Variants in VWA8 observed in about 807,000 individuals in gnomAD.
VWA8 encodes von Willebrand factor A domain containing 8, also known as von Willebrand factor A domain-containing protein 8.
In VWA8, 221 loss-of-function variants were observed where a neutral mutation model predicts 241.5. The observed-to-expected ratio is 0.91, with a 90% CI of 0.82 to 1.02. The LOEUF (loss-of-function observed/expected upper bound fraction) is 1.02, where lower values mean the gene tolerates loss of function less well. Ranked by LOEUF, VWA8 falls within the 50% of genes least tolerant of loss-of-function variation. VWA8 has a pLI of 0.00. For synonymous variants in VWA8, 852 were observed against 827.1 expected (o/e 1.03, Z -0.52); for missense variants, 2,322 against 2,328.7 (o/e 1.00, Z 0.06).
intron 40 of VWA8, among the ~76,000 whole-genome samples, chr13:41,597,826 T>C (rs1407387707): frequency 7.3e-5 from 10 of 137,560 alleles, no homozygotes; most frequent in Non-Finnish European, 1.5e-4. Flanking sequence ...AACCCCACTC[T>C]TCCAGTTGTT....
intron 24 of VWA8, among the ~76,000 whole-genome samples, chr13:41,724,425 A>G (rs953199798): frequency 2.0e-5 from 3 of 152,124 alleles, no homozygotes; most frequent in Non-Finnish European, 4.4e-5. Context: ...AGATGGGAAT[A>G]ATGTAAGGAG....
intron 40 of VWA8, among the ~76,000 whole-genome samples, chr13:41,591,951 C>A (rs1357958759): frequency 7.0e-6 from 1 of 143,284 alleles, no homozygotes; most frequent in African/African-American, 2.6e-5. Flanking sequence ...TTTGACCCAG[C>A]CATCCCATTA....
chr13:41,738,672 C>T (rs1016367978), intron 21 of VWA8, among the ~76,000 whole-genome samples: 1 of 152,094 alleles, frequency 6.6e-6, no homozygotes, highest in African/African-American at 2.4e-5. Flanking sequence ...AGCTTTCCAG[C>T]TTGGTAAATT....
intron 37 of VWA8, among the ~76,000 whole-genome samples, chr13:41,626,852 G>T (rs1157056695): frequency 6.6e-6 from 1 of 152,118 alleles, no homozygotes; most frequent in Non-Finnish European, 1.5e-5. Flanking sequence ...TCTGGACATA[G>T]GCCTTGGCAA....
intron 37 of VWA8, among the ~76,000 whole-genome samples, chr13:41,619,888 AT>A (rs1387870431): frequency 2.0e-5 from 3 of 151,660 alleles, no homozygotes; most frequent in Non-Finnish European, 4.4e-5. Flanking sequence ...TTTATTGAGG[AT>A]TTTTGCATCG....
intron 40 of VWA8, among the ~76,000 whole-genome samples, chr13:41,600,270 A>G (rs537851733): frequency 2.0e-5 from 3 of 152,266 alleles, no homozygotes; most frequent in African/African-American, 4.8e-5. Flanking sequence ...GTCACCTGGC[A>G]AAGACTGAGT....
intron 43 of VWA8, among the ~76,000 whole-genome samples, chr13:41,571,108 C>G (rs1158600609): frequency 6.6e-6 from 1 of 152,160 alleles, no homozygotes; most frequent in African/African-American, 2.4e-5. Context: ...ACATTGTACT[C>G]ACGTCAATAA....
intron 22 of VWA8, among the ~76,000 whole-genome samples, chr13:41,731,084 CTG>C (rs1448106113): frequency 1.3e-5 from 2 of 148,242 alleles, no homozygotes; most frequent in Non-Finnish European, 3.0e-5. Flanking sequence ...ATTAAAAAAA[CTG>C]AATTTAAAAA....
chr13:41,941,764 A>G (rs182849047), intron 2 of VWA8, among the ~76,000 whole-genome samples: 19 of 152,348 alleles, frequency 1.2e-4, no homozygotes, highest in Non-Finnish European at 2.2e-4. Context: ...CATTTCATAT[A>G]TGCTATTTGA....
At chr13:41,784,408 T>C (rs925068850) in intron 18 of VWA8, among the ~76,000 whole-genome samples, 9 of 152,092 alleles carry the variant, frequency 5.9e-5, no homozygotes, top group Admixed American at 5.9e-4. Context: ...CACATGCCTG[T>C]CACCAGCATT....
At chr13:41,572,797 TAAAAAAAAAAAAA>T (rs869088660) in intron 43 of VWA8, among the ~76,000 whole-genome samples, 3 of 67,788 alleles carry the variant, frequency 4.4e-5, no homozygotes, top group South Asian at 4.5e-4. Flanking sequence ...CAATAAATAC[TAAAAAAAAAAAAA>T]AAAAAAAAAA....
At chr13:41,830,187 G>C (rs1871380065) in intron 14 of VWA8, among the ~76,000 whole-genome samples, 1 of 150,014 alleles carries the variant, frequency 6.7e-6, no homozygotes, top group Non-Finnish European at 1.5e-5. Context: ...AGCTTGCAAT[G>C]AGCCGAGATT....
At chr13:41,632,541 G>A (rs2044732768) in intron 37 of VWA8, among the ~76,000 whole-genome samples, 1 of 152,186 alleles carries the variant, frequency 6.6e-6, no homozygotes, top group African/African-American at 2.4e-5. Context: ...AGGTTACAAT[G>A]CTATAGTCCC....
At chr13:41,806,224 G>A (rs11842066) in intron 17 of VWA8, among the ~76,000 whole-genome samples, 11,507 of 151,850 alleles carry the variant, frequency 0.076, 600 homozygotes, top group African/African-American at 0.15. Context: ...AGGATATAGC[G>A]AAAACAGTAT....
At position 41,725,532 on chromosome 13, in the gene VWA8, T is replaced by A. The variant is rs73183323; in HGVS notation, c.2758+1662A>T. Among the ~76,000 whole-genome samples, 439 of 152,300 alleles carry A rather than the reference T, an allele frequency of 2.9e-3. 3 individuals are homozygous for A. The highest frequency in any genetic ancestry group is 0.01 in the African/African-American group (417 of 41,554). ...GAGTGGGAAGGGTCACATATGTGTA[T>A]ACTGCAATCACTCCAAAAGAAGAGT... On this transcript the variant is annotated intron_variant, in intron 24 of 44. Coordinates refer to ENST00000379310, the MANE Select transcript of VWA8 (RefSeq NM_015058.2).
At chr13:41,952,120 C>T (rs894051449) in intron 1 of VWA8, among the ~76,000 whole-genome samples, 3 of 152,204 alleles carry the variant, frequency 2.0e-5, no homozygotes, top group African/African-American at 7.2e-5. Flanking sequence ...AAAGCATCAA[C>T]GTCACCTGGG....
At chr13:41,863,423 GTGTGTGTGTGTATATATA>G (rs1403016957) in intron 12 of VWA8, among the ~76,000 whole-genome samples, 1 of 61,712 alleles carries the variant, frequency 1.6e-5, no homozygotes, top group Non-Finnish European at 3.1e-5. Flanking sequence ...GTGTGTGTGT[GTGTGTGTGTGTATATATA>G]TATATATATA....
intron 12 of VWA8, among the ~76,000 whole-genome samples, chr13:41,854,806 T>C (rs1250510701): frequency 1.3e-4 from 20 of 152,090 alleles, no homozygotes; most frequent in Admixed American, 1.0e-3. Flanking sequence ...AAATTCAAGA[T>C]TTACAGAAAT....
intron 40 of VWA8, among the ~76,000 whole-genome samples, chr13:41,598,225 T>C (rs773133101): frequency 1.3e-5 from 2 of 152,132 alleles, no homozygotes; most frequent in Non-Finnish European, 2.9e-5. Flanking sequence ...CTCTCCCATA[T>C]GTAACATAAA....
Sources: gnomAD v4.1 joint callset for allele counts (sites outside exome capture counted in the v4.1 genomes callset) on GRCh38, gnomAD v4.1.1 for gene constraint, MANE v1.5 for transcripts, NCBI Gene and HGNC (gene_info 2026-07-23, HGNC 2026-07-21) for gene names.